Variants in TNRC6C observed in about 807,000 individuals in gnomAD.
TNRC6C encodes the protein trinucleotide repeat-containing gene 6C protein.
TNRC6C carries 20 observed loss-of-function variants against 153.7 expected under a neutral mutation model. The ratio of observed to expected loss-of-function variants is 0.13; its 90% confidence interval spans 0.09 to 0.19. The LOEUF (loss-of-function observed/expected upper bound fraction) is 0.19, where lower values mean the gene tolerates loss of function less well. TNRC6C is among the 10% of genes least tolerant of loss of function. TNRC6C has a pLI of 1.00. For synonymous variants in TNRC6C, 811 were observed against 841.4 expected, an observed-to-expected ratio of 0.96 and a Z score of 0.63; for missense variants, 1,987 against 2,172.0, an observed-to-expected ratio of 0.91 and a Z score of 1.69.
chr17:77,999,189 T>A (rs2071374115), upstream of TNRC6C, among the ~76,000 whole-genome samples: 2 of 152,250 alleles, frequency 1.3e-5, no homozygotes, highest in African/African-American at 4.8e-5. Flanking sequence ...AGCTGATTTC[T>A]CTCTGGGATC....
chr17:77,996,082 C>T (rs2071323904), intron 1 of TNRC6C, among the ~76,000 whole-genome samples: 1 of 151,968 alleles, frequency 6.6e-6, no homozygotes, highest in East Asian at 1.9e-4. Flanking sequence ...CAAAAACAAA[C>T]AACAATCCTC....
chr17:78,093,768 G>A lies in TNRC6C; in HGVS notation c.4306+5G>A. Reference sequence around the variant, plus strand: ...GCTACCTCCTCAAGAGTGGAGGTGAGGGTGCTGCTCTTCCTGCCTCTGCAT... The same window carrying A: ...GCTACCTCCTCAAGAGTGGAGGTGAAGGTGCTGCTCTTCCTGCCTCTGCAT... On this transcript the variant is annotated splice_donor_5th_base_variant and intron_variant, in intron 16 of 19. Transcript: ENST00000301624. The A allele has an allele frequency of 2.5e-6, 4 of 1,613,688 alleles. No individual in the cohort carries two copies. Among genetic ancestry groups the A allele is most frequent in the South Asian group, 1.1e-5 (1 of 91,078 alleles).
intron 16 of TNRC6C, among the ~76,000 whole-genome samples, chr17:78,095,281 ACAGCTGTCCTCAAGCTCCACATG>A (rs1598789527): frequency 1.3e-5 from 2 of 152,186 alleles, no homozygotes; most frequent in South Asian, 2.1e-4. Context: ...GAAACACGTG[ACAGCTGTCCTCAAGCTCCACATG>A]CAGCTGTCCT....
intron 13 of TNRC6C, 49 bp downstream of exon 15, chr17:78,087,142 T>C: frequency 6.3e-7 from 1 of 1,594,474 alleles, no homozygotes; most frequent in African/African-American, 1.3e-5. Context: ...AGAGGGTACC[T>C]GGAGTCCGTA....
In TNRC6C at chr17:78,075,402, C is replaced by T; in HGVS notation, c.3060+124C>T. 1 of 1,151,428 alleles carries T rather than the reference C, an allele frequency of 8.7e-7. No homozygotes were observed. Among genetic ancestry groups the T allele is most frequent in the Non-Finnish European group, 1.2e-6 (1 of 837,838 alleles). The allele number at this position is 1,151,428 out of a possible 1,614,324, so 71.3% of individuals were successfully genotyped here. On this transcript the variant is annotated intron_variant, in intron 8 of 19. Transcript: ENST00000301624. This position sits in a 1 kb window ranked among gnomAD's most constrained non-coding sequence, Gnocchi z 4.2. ...ACTATAATACTTAAGTGACTTTTAT[C>T]CATTTTTTTCTAACATTATGAACAT...
chr17:78,034,095 C>T (rs1266659358), intron 2 of TNRC6C, among the ~76,000 whole-genome samples: 1 of 151,978 alleles, frequency 6.6e-6, no homozygotes, highest in South Asian at 2.1e-4. Flanking sequence ...CTCTTGTTGC[C>T]CAGGCTGAAA....
intron 1 of TNRC6C, among the ~76,000 whole-genome samples, chr17:77,977,739 GTTTAT>G (rs1240566702): frequency 8.6e-5 from 13 of 151,986 alleles, no homozygotes; most frequent in Non-Finnish European, 1.6e-4. Flanking sequence ...CAGCTTTCCA[GTTTAT>G]TTTATGAAGC....
At chr17:78,003,095 A>G (rs1339222819), upstream of TNRC6C, among the ~76,000 whole-genome samples, 1 of 152,204 alleles carries the variant, frequency 6.6e-6, no homozygotes, top group African/African-American at 2.4e-5. Context: ...TCTAGTAGCT[A>G]ATACTATAGA....
chr17:78,051,551 A>G, intron 3 of TNRC6C, 103 bp downstream of exon 5: 1 of 1,206,950 alleles, frequency 8.3e-7, no homozygotes, highest in Non-Finnish European at 1.1e-6. Flanking sequence ...TTTTATAGCA[A>G]ATAGCATTAA....
At chr17:78,016,150 G>T (rs372415110) in intron 1 of TNRC6C, among the ~76,000 whole-genome samples, 1 of 152,200 alleles carries the variant, frequency 6.6e-6, no homozygotes, top group Non-Finnish European at 1.5e-5. Context: ...TAATTGAGAG[G>T]CCCTATTGGC....
At chr17:78,105,018 G>A (rs891244839) in exon 20 of TNRC6C, 1 of 732,924 alleles carries the variant, frequency 1.4e-6, no homozygotes, top group Non-Finnish European at 1.9e-6. Flanking sequence ...AACAGTGCGG[G>A]CTGCGGTGGG....
chr17:78,086,328 T>TA (rs58348772), intron 11 of TNRC6C, among the ~76,000 whole-genome samples, 175 bp from the exon 14 acceptor site: 1,290 of 53,226 alleles, frequency 0.024, 145 homozygotes, highest in Non-Finnish European at 0.036. Flanking sequence ...AGACTCCATC[T>TA]AAAAAAAAAA....
At chr17:78,007,473 C>T (rs1438195413) in intron 1 of TNRC6C, among the ~76,000 whole-genome samples, 3 of 152,184 alleles carry the variant, frequency 2.0e-5, no homozygotes, top group South Asian at 2.1e-4. Context: ...ACACTTTTGT[C>T]GGGTGACACA....
chr17:78,073,087 G>C (rs1358120516), exon 7 of TNRC6C: 3 of 1,555,922 alleles, frequency 1.9e-6, no homozygotes, highest in Non-Finnish European at 2.6e-6. Context: ...ATCTTGATCA[G>C]GCCATGAGTA....
chr17:77,990,329 T>G (rs569085694), intron 1 of TNRC6C, among the ~76,000 whole-genome samples: 1 of 152,334 alleles, frequency 6.6e-6, no homozygotes, highest in Admixed American at 6.5e-5. Context: ...AATAACTGAT[T>G]GTTACTCCCT....
intron 1 of TNRC6C, among the ~76,000 whole-genome samples, chr17:77,970,931 C>CTG (rs571744068): frequency 3.1e-4 from 47 of 152,122 alleles, no homozygotes; most frequent in African/African-American, 1.1e-3. Context: ...ATCACTTGAG[C>CTG]TGTGGAGTTC....
intron 3 of TNRC6C, 131 bp from the exon 6 acceptor site, chr17:78,064,590 TA>T (rs2072834968): frequency 1.2e-6 from 1 of 864,246 alleles, no homozygotes; most frequent in East Asian, 2.6e-5. Context: ...TTGCCTCCTT[TA>T]AATTTTCTAC....
chr17:78,103,353 A>C lies in TNRC6C; in HGVS notation c.4573-61A>C, dbSNP rs142225577. The C allele has an allele frequency of 1.6e-5, 25 of 1,583,900 alleles. No homozygotes were observed. In the East Asian group the frequency reaches 5.4e-4, roughly 34 times the overall value. ...CCAATTTCATACGTTTTTTCTTTGG[A>C]AGGCTGTAGTGAAAGAAATCAGAAG... On this transcript the variant is annotated intron_variant, in intron 18 of 19. Transcript: ENST00000301624.
chr17:78,089,304 C>CT (rs1392166584), intron 13 of TNRC6C, among the ~76,000 whole-genome samples: 24 of 152,064 alleles, frequency 1.6e-4, no homozygotes, highest in African/African-American at 5.6e-4. Context: ...TCTCTTAGTA[C>CT]AAGTTAAAGA....
Sources: gnomAD v4.1 joint callset for allele counts (sites outside exome capture counted in the v4.1 genomes callset) on GRCh38, gnomAD v4.1.1 for gene constraint, Gnocchi (gnomAD v3.1) non-coding constraint, MANE v1.5 for transcripts, NCBI Gene and HGNC (gene_info 2026-07-23, HGNC 2026-07-21) for gene names.